The following ZMIZ1 variants were observed in gnomAD, a reference collection of about 807,000 sequenced individuals.
The protein encoded by ZMIZ1 is zinc finger MIZ domain-containing protein 1.
Under a neutral mutation model 113.9 loss-of-function variants are expected in ZMIZ1, and 17 were observed. The ratio of observed to expected loss-of-function variants is 0.15; its 90% CI spans 0.10 to 0.22. ZMIZ1 has a LOEUF of 0.22. Ranked by LOEUF, ZMIZ1 falls within the 10% of genes least tolerant of loss-of-function variation. The pLI, the probability that ZMIZ1 is intolerant of heterozygous loss-of-function variation, is 1.00. For synonymous variants in ZMIZ1, 607 were observed against 603.1 expected (o/e 1.01, Z -0.09); for missense variants, 1,059 against 1,477.8 (o/e 0.72, Z 4.65).
intron 5 of ZMIZ1, among the ~76,000 whole-genome samples, chr10:79,205,284 C>G (rs1222954278): frequency 6.6e-6 from 1 of 152,238 alleles, no homozygotes; most frequent in Non-Finnish European, 1.5e-5. Context: ...AACGGCTGGC[C>G]AAGCTCACCC....
chr10:79,243,474 G>A (rs1183321825), intron 7 of ZMIZ1, among the ~76,000 whole-genome samples: 1 of 148,482 alleles, frequency 6.7e-6, no homozygotes, highest in East Asian at 1.9e-4. Flanking sequence ...CGGCGGTGGC[G>A]GGCAGCAGCG....
chr10:79,313,954 C>T lies in ZMIZ1; in HGVS notation c.*1205C>T. The T allele has an allele frequency of 2.3e-6, 1 of 429,232 alleles. No individual in the cohort carries two copies. Among genetic ancestry groups the T allele is most frequent in the Non-Finnish European group, 4.7e-6 (1 of 212,624 alleles). 26.6% of individuals were successfully genotyped at this position (429,232 alleles called of 1,614,324 possible). A position where few individuals can be genotyped will look rare whatever the true frequency, so the allele number is the denominator to read the frequency against. ...TCTGTCCCTGTGCTCCAAGCTGCCC[C>T]CGGCTGCAGCCCAGGCCATGGACAT... On this transcript the variant is annotated 3_prime_UTR_variant, in exon 25 of 25. Transcript: ENST00000334512.
intron 4 of ZMIZ1, among the ~76,000 whole-genome samples, chr10:79,178,162 T>C (rs930042017): frequency 3.9e-5 from 6 of 152,192 alleles, no homozygotes; most frequent in African/African-American, 1.4e-4. Flanking sequence ...GGGACCCTCA[T>C]GCTAGAAAGT....
At chr10:79,180,523 A>T (rs1300272897) in intron 4 of ZMIZ1, among the ~76,000 whole-genome samples, 1 of 152,184 alleles carries the variant, frequency 6.6e-6, no homozygotes, top group Non-Finnish European at 1.5e-5. Flanking sequence ...TGAGGGCGAC[A>T]TCCCCCAGTA....
At chr10:79,075,434 C>A (rs576931524) in intron 1 of ZMIZ1, among the ~76,000 whole-genome samples, 1 of 152,330 alleles carries the variant, frequency 6.6e-6, no homozygotes, top group South Asian at 2.1e-4. Context: ...GTGAACCCTC[C>A]AGAGACTTCT....
At chr10:79,162,867 G>A (rs1309496981) in intron 4 of ZMIZ1, among the ~76,000 whole-genome samples, 4 of 152,198 alleles carry the variant, frequency 2.6e-5, no homozygotes, top group South Asian at 2.1e-4. Context: ...CGCCTGATAA[G>A]GGGGGCAGGG....
chr10:79,189,835 G>T (rs969898639), intron 4 of ZMIZ1, among the ~76,000 whole-genome samples: 1 of 152,216 alleles, frequency 6.6e-6, no homozygotes, highest in Non-Finnish European at 1.5e-5. Context: ...ATTGCCTGTG[G>T]GGTGTCCAGC....
intron 4 of ZMIZ1, among the ~76,000 whole-genome samples, chr10:79,175,649 C>T (rs1846826111): frequency 7.0e-6 from 1 of 142,300 alleles, no homozygotes; most frequent in Non-Finnish European, 1.5e-5. Context: ...TACAGACCCG[C>T]ATGTATGTGT....
intron 2 of ZMIZ1, among the ~76,000 whole-genome samples, chr10:79,120,274 C>A (rs1844231473): frequency 6.6e-6 from 1 of 152,242 alleles, no homozygotes; most frequent in Non-Finnish European, 1.5e-5. Context: ...CGTGCACTTG[C>A]ATGCTCACAT....
chr10:79,296,438 C>A lies in ZMIZ1; in HGVS notation c.1231-33C>A. ...GCTATGTGACGTTGGCAACATTGAA[C>A]GTGTTTCCCCTCTCCTTTCTCTCCC... On this transcript the variant is annotated intron_variant, in intron 12 of 24. Transcript: ENST00000334512. The surrounding 1 kb of genome is among the most constrained non-coding windows in gnomAD (Gnocchi z 4.1). 2 of 1,610,990 alleles carry A rather than the reference C, an allele frequency of 1.2e-6. No individual in the cohort carries two copies. Among genetic ancestry groups the A allele is most frequent in the Non-Finnish European group, 1.7e-6 (2 of 1,177,934 alleles).
intron 1 of ZMIZ1, among the ~76,000 whole-genome samples, chr10:79,098,691 G>A (rs1376370552): frequency 6.6e-6 from 1 of 152,264 alleles, no homozygotes; most frequent in African/African-American, 2.4e-5. Flanking sequence ...ACTGAGATTT[G>A]AGTGCAGGTG....
At chr10:79,240,356 C>G (rs1209461179) in intron 7 of ZMIZ1, among the ~76,000 whole-genome samples, 5 of 152,190 alleles carry the variant, frequency 3.3e-5, no homozygotes, top group Admixed American at 2.0e-4. Context: ...CTTTGGGCCC[C>G]AGGCTTTTGA....
At chr10:79,311,304 G>GGGT in intron 24 of ZMIZ1, 120 bp downstream of exon 24, 2 of 359,152 alleles carry the variant, frequency 5.6e-6, no homozygotes, top group Non-Finnish European at 1.1e-5. Flanking sequence ...TGGGCGGTGG[G>GGGT]AGGGCTTCAC....
chr10:79,164,722 A>G (rs1173695376), intron 4 of ZMIZ1, among the ~76,000 whole-genome samples: 1 of 152,232 alleles, frequency 6.6e-6, no homozygotes, highest in African/African-American at 2.4e-5. Flanking sequence ...TGCCTCCTGC[A>G]GAGGTGGTGA....
chr10:79,256,954 A>C (rs1034367722), intron 7 of ZMIZ1, among the ~76,000 whole-genome samples: 2 of 152,238 alleles, frequency 1.3e-5, no homozygotes. Context: ...GACACAGCCC[A>C]TCAGTGAAAA....
At chr10:79,150,078 A>T (rs1210862961) in intron 3 of ZMIZ1, among the ~76,000 whole-genome samples, 2 of 152,130 alleles carry the variant, frequency 1.3e-5, no homozygotes, top group African/African-American at 4.8e-5. Context: ...GGCCAGTGGG[A>T]CAGGAAGCCA....
chr10:79,174,336 T>C (rs1441554058), intron 4 of ZMIZ1, among the ~76,000 whole-genome samples: 2 of 152,072 alleles, frequency 1.3e-5, no homozygotes, highest in African/African-American at 4.8e-5. Context: ...AGAGAGTTAG[T>C]GAAGACAAAG....
Position 79,292,257 on chromosome 10 carries a change from G to T in ZMIZ1, c.858G>T (p.Ala286=). The change falls in exon 11 of 25, where the codon GCG becomes GCT. Residue 286 remains alanine, a synonymous_variant. Coordinates refer to ENST00000334512, the MANE Select transcript of ZMIZ1 (RefSeq NM_020338.4). The part of the protein sequence containing the change: ...FTQPAAAAAA[A]AVAAAAATAT... Reference sequence around the variant, plus strand: ...AGCCCGCGGCAGCCGCTGCAGCAGCGGCAGTGGCAGCAGCAGCAGCCACAG... The same window carrying T: ...AGCCCGCGGCAGCCGCTGCAGCAGCTGCAGTGGCAGCAGCAGCAGCCACAG... 1 of 1,612,114 alleles carries T rather than the reference G, an allele frequency of 6.2e-7. No homozygotes were observed. Among genetic ancestry groups the T allele is most frequent in the Non-Finnish European group, 8.5e-7 (1 of 1,179,570 alleles).
chr10:79,183,358 GCACACACACA>G (rs57212618), intron 4 of ZMIZ1, among the ~76,000 whole-genome samples: 128 of 150,806 alleles, frequency 8.5e-4, no homozygotes, highest in African/African-American at 2.9e-3. Context: ...TCGTGCACGC[GCACACACACA>G]CACACACACA....
Sources: gnomAD v4.1 joint callset for allele counts (sites outside exome capture counted in the v4.1 genomes callset) on GRCh38, gnomAD v4.1.1 for gene constraint, Gnocchi (gnomAD v3.1) non-coding constraint, MANE v1.5 for transcripts, NCBI Gene and HGNC (gene_info 2026-07-23, HGNC 2026-07-21) for gene names.